MELK: variants seen among roughly 807,000 people sequenced by gnomAD.
MELK encodes maternal embryonic leucine zipper kinase.
Under a neutral mutation model 85.0 loss-of-function variants are expected in MELK, and 81 were observed. The observed-to-expected ratio is 0.95, with a 90% confidence interval of 0.80 to 1.15. MELK has a LOEUF of 1.15. Ranked by LOEUF, MELK falls within the 50% of genes most tolerant of loss-of-function variation. The pLI, the probability that MELK is intolerant of heterozygous loss-of-function variation, is 0.00. For synonymous variants in MELK, 252 were observed against 265.0 expected (o/e 0.95, Z 0.48); for missense variants, 754 against 777.5 (o/e 0.97, Z 0.36).
intron 12 of MELK, among the ~76,000 whole-genome samples, chr9:36,657,021 G>T (rs1419896028): frequency 1.3e-5 from 2 of 152,208 alleles, no homozygotes; most frequent in African/African-American, 4.8e-5. Flanking sequence ...TGTAGTGTAG[G>T]AGCAACAGGC....
chr9:36,640,699 C>T (rs1355560751), intron 10 of MELK, among the ~76,000 whole-genome samples: 2 of 152,186 alleles, frequency 1.3e-5, no homozygotes, highest in Non-Finnish European at 2.9e-5. Context: ...ATCCTCCCAC[C>T]TTAGCTTCCC....
At chr9:36,598,374 G>A (rs531158922) in intron 6 of MELK, among the ~76,000 whole-genome samples, 1 of 152,300 alleles carries the variant, frequency 6.6e-6, no homozygotes, top group Non-Finnish European at 1.5e-5. Context: ...TTGCCTGGGA[G>A]AGGATTGCCT....
At chr9:36,635,798 C>CTTT (rs759256315) in intron 10 of MELK, among the ~76,000 whole-genome samples, 1 of 134,086 alleles carries the variant, frequency 7.5e-6, no homozygotes, top group Non-Finnish European at 1.6e-5. Flanking sequence ...TTAAAAAATG[C>CTTT]TTTTTTTTTT....
intron 15 of MELK, among the ~76,000 whole-genome samples, chr9:36,670,101 G>A (rs1832756153): frequency 6.6e-6 from 1 of 152,056 alleles, no homozygotes; most frequent in African/African-American, 2.4e-5. Context: ...TAACACCACA[G>A]TAGTTTCTAT....
rs869168768 is a variant in MELK, at chr9:36,584,719, CTTTTTTTTT to C, written c.144+1017_144+1025del. Among the ~76,000 whole-genome samples, 981 of 129,772 alleles carry C rather than the reference CTTTTTTTTT, an allele frequency of 7.6e-3. 18 individuals carry two copies. The highest frequency in any genetic ancestry group is 0.026 in the African/African-American group (903 of 34,492). The allele number at this position is 129,772 out of a possible 152,430, so 85.1% of individuals were successfully genotyped here. Reference sequence around the variant, plus strand: ...CAAATAGATAAATATTATGTCCTAGCTTTTTTTTTTTTTTTTTTGAGACAGTCTCACTTT... The same window carrying C: ...CAAATAGATAAATATTATGTCCTAGCTTTTTTTTTGAGACAGTCTCACTTT... On this transcript the variant is annotated intron_variant, in intron 3 of 17. Transcript: ENST00000298048.
chr9:36,623,012 T>G (rs1827589284), intron 8 of MELK, among the ~76,000 whole-genome samples: 1 of 152,234 alleles, frequency 6.6e-6, no homozygotes, highest in Admixed American at 6.5e-5. Flanking sequence ...TCTCTGACCA[T>G]TTTTTGCTCT....
At chr9:36,650,007 G>A (rs1276426352) in intron 11 of MELK, among the ~76,000 whole-genome samples, 2 of 151,734 alleles carry the variant, frequency 1.3e-5, no homozygotes, top group Non-Finnish European at 1.5e-5. Context: ...GCAGTGGCAC[G>A]ATCTCTGCTC....
intron 10 of MELK, among the ~76,000 whole-genome samples, chr9:36,640,285 A>G (rs572943184): frequency 6.6e-6 from 1 of 152,250 alleles, no homozygotes; most frequent in African/African-American, 2.4e-5. Context: ...TCTGGAGAGT[A>G]AAAATAAAGA....
chr9:36,669,568 G>C (rs572983581), intron 15 of MELK, among the ~76,000 whole-genome samples, 162 bp downstream of exon 15: 10 of 152,286 alleles, frequency 6.6e-5, no homozygotes, highest in Admixed American at 5.2e-4. Context: ...TCCTGGACCT[G>C]TAGCCACTGC....
chr9:36,626,915 C>A (rs1827981631), intron 8 of MELK, among the ~76,000 whole-genome samples: 1 of 149,876 alleles, frequency 6.7e-6, no homozygotes. Context: ...GCCAAGATCA[C>A]TCATTGCATT....
At position 36,589,641 on chromosome 9, in the gene MELK, A is replaced by G. The variant is rs777895527; in HGVS notation, c.250A>G (p.Met84Val). 2 of 1,608,082 alleles carry G rather than the reference A, an allele frequency of 1.2e-6. No homozygotes were observed. Among genetic ancestry groups the G allele is most frequent in the Non-Finnish European group, 1.7e-6 (2 of 1,174,506 alleles). Residue 84 changes from methionine to valine, a missense_variant, in exon 4 of 18, where the codon ATG becomes GTG. By Grantham distance (21) the Met-to-Val change is conservative (BLOSUM62 1). Transcript: ENST00000298048. ...GCTAGAGACAGCCAACAAAATATTC[A>G]TGGTTCTTGAGGTTAGTAGTATGTT... is the stretch of plus-strand genomic sequence containing the variant. The part of the protein sequence containing the change: ...HVLETANKIF[M>V]VLEYCPGGEL...
intron 1 of MELK, among the ~76,000 whole-genome samples, chr9:36,575,210 C>T (rs1485097336): frequency 6.6e-6 from 1 of 152,216 alleles, no homozygotes; most frequent in Non-Finnish European, 1.5e-5. Context: ...CAGAAGGGCA[C>T]TCAGGTGTCT....
chr9:36,618,602 A>G (rs1827090019), intron 8 of MELK, among the ~76,000 whole-genome samples: 1 of 152,186 alleles, frequency 6.6e-6, no homozygotes, highest in East Asian at 1.9e-4. Flanking sequence ...TTGATATCCT[A>G]AAAGTAGAAG....
At chr9:36,605,564 T>C (rs1482283244) in intron 7 of MELK, among the ~76,000 whole-genome samples, 1 of 152,108 alleles carries the variant, frequency 6.6e-6, no homozygotes, top group Non-Finnish European at 1.5e-5. Context: ...TCTCAATTTA[T>C]AGATTAAATA....
chr9:36,636,343 A>G (rs1402404624), intron 10 of MELK, among the ~76,000 whole-genome samples: 3 of 151,768 alleles, frequency 2.0e-5, no homozygotes, highest in Non-Finnish European at 2.9e-5. Flanking sequence ...TTTCTAGTAA[A>G]AATACAAAAT....
intron 1 of MELK, among the ~76,000 whole-genome samples, chr9:36,577,169 A>G (rs1821742772): frequency 6.6e-6 from 1 of 152,028 alleles, no homozygotes; most frequent in African/African-American, 2.4e-5. Flanking sequence ...AAGAACAGAG[A>G]ATTTGAAGGT....
At chr9:36,655,407 T>C (rs1831139935) in intron 12 of MELK, among the ~76,000 whole-genome samples, 1 of 151,806 alleles carries the variant, frequency 6.6e-6, no homozygotes, top group Non-Finnish European at 1.5e-5. Flanking sequence ...ATGTATTCTG[T>C]TGACAGTGGC....
At chr9:36,638,624 A>G (rs890558121) in intron 10 of MELK, among the ~76,000 whole-genome samples, 1 of 152,138 alleles carries the variant, frequency 6.6e-6, no homozygotes, top group Non-Finnish European at 1.5e-5. Flanking sequence ...CTATTTACTG[A>G]GCACGTAGAG....
rs760345453 is a variant in MELK, at chr9:36,665,449, G to A, written c.1276G>A (p.Val426Ile). Reference protein sequence around the residue: ...PANKLKNKENVYTPKSAVKNE... With the variant: ...PANKLKNKENIYTPKSAVKNE... ...AAATAAATTAAAGAACAAAGAAAAT[G>A]TATATACTCCTAAGTCTGCTGTAAA... The change falls in exon 14 of 18, where the codon GTA (valine) becomes ATA (isoleucine). Residue 426 changes from valine to isoleucine, a missense_variant. Transcript: ENST00000298048. 5.0e-6 allele frequency: 8 copies of A among 1,612,940 alleles called. No individual in the cohort carries two copies. The highest frequency in any genetic ancestry group is 2.2e-5 in the South Asian group (2 of 91,050).
Sources: allele counts gnomAD v4.1 joint callset (sites outside exome capture counted in the v4.1 genomes callset), GRCh38; gene constraint gnomAD v4.1.1; transcripts MANE v1.5; gene names NCBI Gene and HGNC (gene_info 2026-07-23, HGNC 2026-07-21).